The following ANKRD6 variants were observed in gnomAD, a reference collection of about 807,000 sequenced individuals.
ANKRD6 encodes the protein ankyrin repeat domain-containing protein 6.
In ANKRD6, 56 loss-of-function variants were observed where a neutral mutation model predicts 82.3. That is an observed-to-expected ratio of 0.68 (90% CI 0.55 to 0.85). The LOEUF (loss-of-function observed/expected upper bound fraction) is 0.85. Ranked by LOEUF, ANKRD6 falls within the 40% of genes least tolerant of loss-of-function variation. ANKRD6 has a pLI of 0.00. For missense variants in ANKRD6, 852 were observed against 907.6 expected (o/e 0.94, Z 0.79); for synonymous variants, 347 against 352.1 (o/e 0.99, Z 0.16).
At chr6:89,541,110 G>A (rs1784399411) in intron 1 of ANKRD6, among the ~76,000 whole-genome samples, 1 of 151,926 alleles carries the variant, frequency 6.6e-6, no homozygotes. Context: ...GCTACTCTGG[G>A]TCTTTTGTGG....
chr6:89,520,948 A>T (rs151020624), intron 1 of ANKRD6, among the ~76,000 whole-genome samples: 359 of 152,086 alleles, frequency 2.4e-3, no homozygotes, highest in African/African-American at 8.2e-3. Flanking sequence ...TGACTGTGCT[A>T]CTGCATTCCA....
In ANKRD6 at chr6:89,632,768, C is replaced by G. The variant is rs1200350951; in HGVS notation, c.*1764C>G. On this transcript the variant is annotated 3_prime_UTR_variant, in exon 16 of 16. Transcript: ENST00000339746. ...TCTCATTTCCCTATTGTTCCTAATA[C>G]AGAATTGTAGAGCTGGAGAGTACCT... 4 of 152,208 alleles carry G rather than the reference C, an allele frequency of 2.6e-5. No homozygotes were observed. The highest frequency in any genetic ancestry group is 7.2e-5 in the African/African-American group (3 of 41,466). The allele number at this position is 152,208 out of a possible 1,614,324, so 9.4% of individuals were successfully genotyped here. A position where few individuals can be genotyped will look rare whatever the true frequency, so the allele number is the denominator to read the frequency against.
intron 1 of ANKRD6, among the ~76,000 whole-genome samples, chr6:89,504,156 A>T (rs1487286400): frequency 6.8e-6 from 1 of 146,746 alleles, no homozygotes; most frequent in Non-Finnish European, 1.5e-5. Context: ...GGGAAGGAAG[A>T]ACGGAAACAG....
chr6:89,593,922 G>C (rs913606236), intron 2 of ANKRD6, among the ~76,000 whole-genome samples: 11 of 152,332 alleles, frequency 7.2e-5, no homozygotes, highest in African/African-American at 2.4e-4. Flanking sequence ...GAGCCGACAT[G>C]CTTAGAGCAT....
At chr6:89,455,627 T>C (rs1773407725) in intron 1 of ANKRD6, among the ~76,000 whole-genome samples, 1 of 152,144 alleles carries the variant, frequency 6.6e-6, no homozygotes, top group South Asian at 2.1e-4. Context: ...GCTGTTTTCA[T>C]GATAGTGAAT....
intron 7 of ANKRD6, 58 bp downstream of exon 7, chr6:89,613,948 A>AG (rs1800862676): frequency 1.3e-6 from 2 of 1,566,038 alleles, no homozygotes; most frequent in Admixed American, 1.8e-5. Flanking sequence ...GCTACCGGAC[A>AG]GGTCTGTTAG....
At chr6:89,564,361 T>C (rs926726438) in intron 1 of ANKRD6, among the ~76,000 whole-genome samples, 2 of 152,194 alleles carry the variant, frequency 1.3e-5, no homozygotes, top group Non-Finnish European at 2.9e-5. Context: ...CAATGTTTTC[T>C]CACCACTGTA....
chr6:89,466,379 G>C (rs185661628), intron 1 of ANKRD6, among the ~76,000 whole-genome samples: 1 of 152,210 alleles, frequency 6.6e-6, no homozygotes, highest in East Asian at 1.9e-4. Flanking sequence ...TTTACTTATA[G>C]TTTTCAGACT....
chr6:89,454,423 A>G (rs1361290611), intron 1 of ANKRD6, among the ~76,000 whole-genome samples: 1 of 152,210 alleles, frequency 6.6e-6, no homozygotes, highest in African/African-American at 2.4e-5. Flanking sequence ...CTGGGAGATC[A>G]GGAAGCAACA....
chr6:89,498,527 T>TA (rs67448661), intron 1 of ANKRD6, among the ~76,000 whole-genome samples: 1,134 of 88,492 alleles, frequency 0.013, 9 homozygotes, highest in Non-Finnish European at 0.021. Context: ...TATATATATA[T>TA]TTTTTTTTAC....
In ANKRD6 at chr6:89,450,310, C is replaced by CA. The variant is rs546958900; in HGVS notation, c.-144+16947dup. Among the ~76,000 whole-genome samples the CA allele has an allele frequency of 1.0e-3, 143 of 136,618 alleles. 1 individual carries two copies. Among genetic ancestry groups the CA allele is most frequent in the Admixed American group, 1.6e-3 (21 of 13,544 alleles). The allele number at this position is 136,618 out of a possible 152,430, so 89.6% of individuals were successfully genotyped here. A position where few individuals can be genotyped will look rare whatever the true frequency, so the allele number is the denominator to read the frequency against. ...CTCGCGACAGAGTGAGACTCCATCT[C>CA]AAAAAAAAAAAAGAGGAAGAATCAG... is the stretch of plus-strand genomic sequence containing the variant. On this transcript the variant is annotated intron_variant, in intron 1 of 15. Coordinates refer to ENST00000339746, the MANE Select transcript of ANKRD6 (RefSeq NM_001242809.2).
At chr6:89,619,210 G>C (rs1016986696) in intron 9 of ANKRD6, among the ~76,000 whole-genome samples, 7 of 152,178 alleles carry the variant, frequency 4.6e-5, no homozygotes, top group African/African-American at 1.4e-4. Context: ...AGTAGGAAAA[G>C]CTGCGGGGTT....
chr6:89,606,694 A>G (rs1056553448), intron 5 of ANKRD6, among the ~76,000 whole-genome samples: 18 of 152,168 alleles, frequency 1.2e-4, no homozygotes, highest in Admixed American at 1.0e-3. Context: ...CATCTCTAAT[A>G]AAAATACAAA....
chr6:89,461,435 T>C (rs1459610730), intron 1 of ANKRD6, among the ~76,000 whole-genome samples: 1 of 152,166 alleles, frequency 6.6e-6, no homozygotes, highest in African/African-American at 2.4e-5. Context: ...ATGCGCTGTT[T>C]GTAGGAAGTT....
At chr6:89,589,959 G>A (rs753503007) in intron 2 of ANKRD6, among the ~76,000 whole-genome samples, 3 of 152,200 alleles carry the variant, frequency 2.0e-5, no homozygotes, top group Non-Finnish European at 2.9e-5. Flanking sequence ...AGATGGCCCA[G>A]CCTGATACCA....
Position 89,576,084 on chromosome 6 carries a change from C to G in ANKRD6, c.120+8988C>G, listed in dbSNP as rs546005522. On this transcript the variant is annotated intron_variant, in intron 2 of 15. Transcript: ENST00000339746. The stretch of plus-strand genomic sequence containing the variant: ...TTTTTTTTTTTGAGACGGAGTCTCG[C>G]TCTGTCACCCAGGCTGGAGTGCAGT... Among the ~76,000 whole-genome samples the G allele has an allele frequency of 8.6e-5, 13 of 151,800 alleles. No individual in the cohort carries two copies. The South Asian group carries it at 2.7e-3, about 32-fold the overall frequency.
intron 1 of ANKRD6, chr6:89,478,306 A>G (rs145711149): frequency 6.6e-6 from 1 of 152,536 alleles, no homozygotes; most frequent in Non-Finnish European, 1.5e-5. Flanking sequence ...CAGGTTGCCT[A>G]AGGAGGGATG....
At chr6:89,611,403 C>T (rs983234743) in intron 5 of ANKRD6, among the ~76,000 whole-genome samples, 1 of 152,204 alleles carries the variant, frequency 6.6e-6, no homozygotes, top group African/African-American at 2.4e-5. Flanking sequence ...CTTGCAGGCT[C>T]TTGGATGACA....
Position 89,622,009 on chromosome 6 carries a change from G to A in ANKRD6, c.880G>A (p.Glu294Lys), listed in dbSNP as rs1803532350. ...ERRAQSVPRD[E>K]VAQSKGSVSA... The stretch of plus-strand genomic sequence containing the variant: ...GAGAGCCCAGTCTGTGCCAAGAGAT[G>A]AGGTGGCCCAAAGCAAGGTGGGGGG... Residue 294 changes from glutamate (E) to lysine (K), a missense_variant, in exon 10 of 16, where the codon GAG (glutamate) becomes AAG (lysine). Transcript: ENST00000339746. The A allele has an allele frequency of 6.2e-7, 1 of 1,612,372 alleles. No homozygotes were observed. The highest frequency in any genetic ancestry group is 8.5e-7 in the Non-Finnish European group (1 of 1,179,870).
Sources: allele counts gnomAD v4.1 joint callset (sites outside exome capture counted in the v4.1 genomes callset), GRCh38; gene constraint gnomAD v4.1.1; transcripts MANE v1.5; gene names NCBI Gene and HGNC (gene_info 2026-07-23, HGNC 2026-07-21).